LRP1B: variants seen among roughly 807,000 people sequenced by gnomAD.
LRP1B encodes low-density lipoprotein receptor-related protein 1B.
LRP1B carries 217 observed loss-of-function variants against 556.6 expected under a neutral mutation model. The observed-to-expected ratio is 0.39, with a 90% CI of 0.35 to 0.44. The LOEUF is 0.44. LRP1B is among the 20% of genes least tolerant of loss of function. The pLI is 1.00. For missense variants in LRP1B, 5,053 were observed against 5,620.8 expected (o/e 0.90, Z 3.23); for synonymous variants, 2,047 against 1,865.8 (o/e 1.10, Z -2.50).
chr2:140,671,364 CA>C lies in LRP1B; in HGVS notation c.6799+28885del, dbSNP rs970009383. 2.2e-3 allele frequency among the ~76,000 whole-genome samples: 328 copies of C among 152,124 alleles called. 6 individuals are homozygous for C. Among genetic ancestry groups the C allele is most frequent in the East Asian group, 4.5e-3 (23 of 5,152 alleles). ...TGAAACCCCGTCTCTACTAAAAATA[CA>C]AAAAAATTAGCCGGGCATGATGGCG... On this transcript the variant is annotated intron_variant, in intron 41 of 90. Coordinates refer to ENST00000389484, the MANE Select transcript of LRP1B (RefSeq NM_018557.3).
chr2:141,762,569 C>T (rs1217468749), intron 2 of LRP1B, among the ~76,000 whole-genome samples: 3 of 151,096 alleles, frequency 2.0e-5, no homozygotes, highest in East Asian at 1.9e-4. Flanking sequence ...TTTTTTACTC[C>T]GTATAGTGTG....
intron 7 of LRP1B, among the ~76,000 whole-genome samples, chr2:141,109,070 G>A (rs1008319494): frequency 6.6e-6 from 1 of 152,110 alleles, no homozygotes; most frequent in Non-Finnish European, 1.5e-5. Context: ...ACCTAAGATT[G>A]GTCTTGTAAG....
intron 66 of LRP1B, among the ~76,000 whole-genome samples, chr2:140,423,855 A>T (rs1685549955): frequency 6.6e-6 from 1 of 152,160 alleles, no homozygotes; most frequent in African/African-American, 2.4e-5. Flanking sequence ...ATACAAAATC[A>T]ATAAAATATT....
chr2:140,915,604 G>T (rs1394334690), intron 21 of LRP1B, among the ~76,000 whole-genome samples: 1 of 151,238 alleles, frequency 6.6e-6, no homozygotes, highest in Non-Finnish European at 1.5e-5. Context: ...GTGAGCTGAG[G>T]TCGCACCACT....
chr2:140,615,023 C>T (rs962441722), intron 41 of LRP1B, among the ~76,000 whole-genome samples: 1 of 152,154 alleles, frequency 6.6e-6, no homozygotes, highest in Non-Finnish European at 1.5e-5. Flanking sequence ...CTGAAACTAA[C>T]TCCTTCCTTG....
intron 5 of LRP1B, among the ~76,000 whole-genome samples, chr2:141,239,251 G>A (rs565516846): frequency 1.4e-4 from 21 of 152,204 alleles, no homozygotes; most frequent in South Asian, 6.2e-4. Context: ...GCTTAAGACC[G>A]ATAGTCAACT....
rs1487166611 is a variant in LRP1B at position 141,767,536 on chromosome 2, C to G, written c.205+42743G>C. ...ATGAATAGACCGTTCATTTCTTTCC[C>G]TCAGGAGTTGCAGTACTTTCTATCC... On this transcript the variant is annotated intron_variant, in intron 2 of 90. Transcript: ENST00000389484. Among the ~76,000 whole-genome samples the G allele has an allele frequency of 2.0e-5, 3 of 152,170 alleles. No individual in the cohort carries two copies. The East Asian group carries it at 5.8e-4, about 29-fold the overall frequency.
chr2:141,160,788 A>C (rs1013557782), intron 7 of LRP1B, among the ~76,000 whole-genome samples: 3 of 151,908 alleles, frequency 2.0e-5, no homozygotes, highest in African/African-American at 7.2e-5. Context: ...AAATATGAGA[A>C]TTTTTTTGTG....
intron 1 of LRP1B, among the ~76,000 whole-genome samples, chr2:141,922,231 G>A (rs1465164854): frequency 3.3e-5 from 5 of 152,104 alleles, no homozygotes; most frequent in Admixed American, 6.6e-5. Context: ...CATAAAATAC[G>A]TATTGAAGTA....
intron 58 of LRP1B, 60 bp downstream of exon 58, chr2:140,487,557 A>G (rs768199805): frequency 4.7e-6 from 7 of 1,486,040 alleles, no homozygotes; most frequent in Admixed American, 1.8e-5. Flanking sequence ...AACATTTTCT[A>G]TACAATTCAA....
chr2:141,248,824 A>AT (rs1215695458), intron 4 of LRP1B, among the ~76,000 whole-genome samples: 3 of 152,194 alleles, frequency 2.0e-5, no homozygotes, highest in Non-Finnish European at 4.4e-5. Context: ...ATCCTAGAAA[A>AT]TTAGATATGT....
chr2:140,269,368 A>G (rs1485427004), intron 86 of LRP1B: 1 of 470,642 alleles, frequency 2.1e-6, no homozygotes, highest in South Asian at 1.6e-5. Flanking sequence ...TGACTTTTAA[A>G]CCCCACAGAG....
At chr2:140,503,233 C>G (rs559588639) in intron 53 of LRP1B, 130 bp from the exon 54 acceptor site, 17 of 826,632 alleles carry the variant, frequency 2.1e-5, no homozygotes, top group South Asian at 6.1e-5. Context: ...TTTCTCATTT[C>G]TTTCTGTAAC....
rs1032094075 is a variant in LRP1B, at chr2:140,414,904, G to C, written c.10414+27600C>G. On this transcript the variant is annotated intron_variant, in intron 66 of 90. Transcript: ENST00000389484. ...AAAGAGCCATATTTTTCTTCTTGCA[G>C]AGAGCCTATAAATGGATGTGCAAAT... Among the ~76,000 whole-genome samples, 6 of 152,290 alleles carry C rather than the reference G, an allele frequency of 3.9e-5. No individual in the cohort carries two copies. The South Asian group carries it at 6.2e-4, about 16-fold the overall frequency.
At chr2:141,038,710 C>T (rs1007507687) in intron 11 of LRP1B, among the ~76,000 whole-genome samples, 2 of 151,946 alleles carry the variant, frequency 1.3e-5, no homozygotes, top group Non-Finnish European at 2.9e-5. Flanking sequence ...TTGAGAAATT[C>T]GTATTAACTA....
chr2:141,314,514 G>A (rs964657761), intron 3 of LRP1B, among the ~76,000 whole-genome samples: 5 of 152,096 alleles, frequency 3.3e-5, no homozygotes, highest in South Asian at 4.2e-4. Flanking sequence ...ACCTACGGCC[G>A]GGCGCGGTGG....
chr2:141,317,063 C>T (rs1255733722), intron 3 of LRP1B, among the ~76,000 whole-genome samples: 1 of 152,158 alleles, frequency 6.6e-6, no homozygotes, highest in African/African-American at 2.4e-5. Flanking sequence ...CATAATGTGG[C>T]AGGACATAGT....
At chr2:141,440,968 A>T (rs960810990) in intron 3 of LRP1B, among the ~76,000 whole-genome samples, 8 of 152,194 alleles carry the variant, frequency 5.3e-5, no homozygotes, top group African/African-American at 1.9e-4. Flanking sequence ...AGCACAGGAT[A>T]GCCACTCCCG....
At chr2:140,262,038 C>A (rs374738901) in intron 86 of LRP1B, among the ~76,000 whole-genome samples, 4 of 151,682 alleles carry the variant, frequency 2.6e-5, no homozygotes, top group Admixed American at 2.0e-4. Context: ...ATATAGAGAA[C>A]CTTTACTAAT....
Sources: allele counts gnomAD v4.1 joint callset (sites outside exome capture counted in the v4.1 genomes callset), GRCh38; gene constraint gnomAD v4.1.1; transcripts MANE v1.5; gene names NCBI Gene and HGNC (gene_info 2026-07-23, HGNC 2026-07-21).